INPP4A: variants seen among roughly 807,000 people sequenced by gnomAD.
The protein encoded by INPP4A is inositol polyphosphate-4-phosphatase, type I, 107kD.
A neutral mutation model predicts 119.8 loss-of-function variants in INPP4A; 33 were observed. The observed-to-expected ratio is 0.28, with a 90% CI of 0.21 to 0.37. INPP4A has a LOEUF of 0.37. Among genes scored for constraint, INPP4A ranks in the 10% least tolerant of loss-of-function variants. The probability of loss-of-function intolerance (pLI) is 1.00; values close to 1 mark genes in which losing one functional copy is unlikely to be tolerated. For synonymous variants in INPP4A, 496 were observed against 500.7 expected, an observed-to-expected ratio of 0.99 and a Z score of 0.12; for missense variants, 956 against 1,289.9, an observed-to-expected ratio of 0.74 and a Z score of 3.97.
At chr2:98,502,083 C>G (rs1042397083) in intron 1 of INPP4A, among the ~76,000 whole-genome samples, 8 of 152,236 alleles carry the variant, frequency 5.3e-5, no homozygotes, top group Admixed American at 2.6e-4. Flanking sequence ...GGGTGTGCAT[C>G]TGGCCATCCA....
intron 1 of INPP4A, among the ~76,000 whole-genome samples, chr2:98,502,970 G>T (rs1014034800): frequency 3.9e-5 from 6 of 152,116 alleles, no homozygotes; most frequent in African/African-American, 1.4e-4. Flanking sequence ...GAGTTTGGAC[G>T]GACTAGGTTT....
At chr2:98,572,746 G>A in intron 22 of INPP4A, 69 bp from the exon 23 acceptor site, 1 of 1,076,906 alleles carries the variant, frequency 9.3e-7, no homozygotes, top group Non-Finnish European at 1.3e-6. Flanking sequence ...GCTCACTTGG[G>A]TGGGCTCCCT....
At chr2:98,540,124 G>A (rs930972838) in intron 10 of INPP4A, among the ~76,000 whole-genome samples, 1 of 152,102 alleles carries the variant, frequency 6.6e-6, no homozygotes, top group South Asian at 2.1e-4. Flanking sequence ...TAGATATGGT[G>A]TTTCACCATG....
intron 13 of INPP4A, among the ~76,000 whole-genome samples, chr2:98,547,662 C>A (rs1322541022): frequency 6.6e-6 from 1 of 151,900 alleles, no homozygotes. Flanking sequence ...TGTGTTTGGG[C>A]TGATAGGAAA....
chr2:98,519,972 G>T lies in INPP4A; in HGVS notation c.-77G>T. On this transcript the variant is annotated 5_prime_UTR_variant, in exon 3 of 25. Transcript: ENST00000409851. ...GCTACTGCCACTTTAGTGGACTAGG[G>T]CTCGGTGCCAGCACTTCCCGGGTAA... 1 of 1,187,170 alleles carries T rather than the reference G, an allele frequency of 8.4e-7. No individual in the cohort carries two copies. Among genetic ancestry groups the T allele is most frequent in the South Asian group, 1.3e-5 (1 of 76,342 alleles). 73.5% of individuals were successfully genotyped at this position (1,187,170 alleles called of 1,614,324 possible). A position where few individuals can be genotyped will look rare whatever the true frequency, so the allele number is the denominator to read the frequency against.
At position 98,537,937 on chromosome 2, in the gene INPP4A, C is replaced by G. The variant is rs1690640535; in HGVS notation, c.542C>G (p.Pro181Arg). 1.2e-6 allele frequency: 2 copies of G among 1,612,746 alleles called. No individual in the cohort carries two copies. The highest frequency in any genetic ancestry group is 1.7e-6 in the Non-Finnish European group (2 of 1,179,358). The change falls in exon 8 of 25, where the codon CCC becomes CGC. Residue 181 changes from proline (P) to arginine (R), a missense_variant. Physicochemically the swap from Pro to Arg is moderately radical, Grantham distance 103 (BLOSUM62 -2). Coordinates refer to ENST00000409851, the MANE Select transcript of INPP4A (RefSeq NM_001134225.2). ...WQMEEKSDQR[P>R]PVTRSVDTVN... ...ATGGAGGAGAAGTCAGACCAACGGC[C>G]CCCTGTGACCCGGTCTGTGGACACT...
rs777173666 is a variant in INPP4A, at chr2:98,576,995, C to T, written c.2638C>T (p.Arg880Cys). 4 of 1,611,190 alleles carry T rather than the reference C, an allele frequency of 2.5e-6. No individual in the cohort carries two copies. The highest frequency in any genetic ancestry group is 3.3e-5 in the Admixed American group (2 of 59,884). ...CCCATGTTTCTGTTGGCAGATCTGC[C>T]GCCGCCTTAATGGGGTCCGGTTCAC... is the stretch of plus-strand genomic sequence containing the variant. ...DILWQAAEIC[R>C]RLNGVRFTSC... The change falls in exon 24 of 25, where the codon CGC becomes TGC. Residue 880 changes from arginine (R) to cysteine (C), a missense_variant. By Grantham distance (180) the Arg-to-Cys change is radical. Around this residue, in one of 2 missense-constraint regions of INPP4A, gnomAD observed 304 missense variants for 492.1 expected, o/e 0.62. Transcript: ENST00000409851.
At chr2:98,581,768 A>G (rs1179951511) in intron 24 of INPP4A, 3 of 1,606,194 alleles carry the variant, frequency 1.9e-6, no homozygotes, top group Non-Finnish European at 2.5e-6. Flanking sequence ...TATCATTATG[A>G]AAAATTAATA....
intron 1 of INPP4A, among the ~76,000 whole-genome samples, chr2:98,485,216 A>G (rs1026223114): frequency 3.3e-5 from 5 of 152,240 alleles, no homozygotes; most frequent in Admixed American, 2.0e-4. Flanking sequence ...AGCTGAAGAA[A>G]TGTTACTTCT....
At chr2:98,544,790 G>C (rs1386014305) in intron 11 of INPP4A, among the ~76,000 whole-genome samples, 1 of 152,212 alleles carries the variant, frequency 6.6e-6, no homozygotes, top group Non-Finnish European at 1.5e-5. Flanking sequence ...CAGAACATGT[G>C]AACCCATCCA....
At chr2:98,489,914 C>T (rs1224021932) in intron 1 of INPP4A, among the ~76,000 whole-genome samples, 3 of 132,992 alleles carry the variant, frequency 2.3e-5, no homozygotes, top group African/African-American at 8.5e-5. Context: ...TTTTCTTCTC[C>T]TTCCATATGG....
intron 4 of INPP4A, among the ~76,000 whole-genome samples, chr2:98,526,850 G>C (rs147395995): frequency 6.6e-6 from 1 of 152,190 alleles, no homozygotes; most frequent in Non-Finnish European, 1.5e-5. Flanking sequence ...CATGATGAGA[G>C]AAGGATTAAA....
chr2:98,488,264 C>G (rs1679952180), intron 1 of INPP4A, among the ~76,000 whole-genome samples: 1 of 152,188 alleles, frequency 6.6e-6, no homozygotes, highest in Non-Finnish European at 1.5e-5. Flanking sequence ...GAACCCTCAT[C>G]CCTTTTATTG....
In INPP4A at chr2:98,557,079, A is replaced by T. The variant is rs546224952; in HGVS notation, c.1822+1271A>T. 1.4e-4 allele frequency among the ~76,000 whole-genome samples: 22 copies of T among 152,304 alleles called. 1 individual carries two copies. The East Asian group carries it at 4.2e-3, about 29-fold the overall frequency. ...AAAAGGGTAATTTATTGGCTGTTTT[A>T]AATGTGGGAGCTAGTTTATTTCATC... On this transcript the variant is annotated intron_variant, in intron 16 of 24. Coordinates refer to ENST00000409851, the MANE Select transcript of INPP4A (RefSeq NM_001134225.2).
intron 1 of INPP4A, among the ~76,000 whole-genome samples, chr2:98,452,908 C>T (rs1212356060): frequency 6.6e-6 from 1 of 152,126 alleles, no homozygotes; most frequent in East Asian, 1.9e-4. Context: ...GTAGGGGTTG[C>T]CTACGCTGCT....
intron 1 of INPP4A, among the ~76,000 whole-genome samples, chr2:98,496,942 G>A (rs1041323918): frequency 6.6e-6 from 1 of 152,212 alleles, no homozygotes; most frequent in Non-Finnish European, 1.5e-5. Flanking sequence ...TTCACATGTG[G>A]CTCTGAGCAC....
At chr2:98,520,645 GTT>G in intron 3 of INPP4A, 40 bp from the exon 4 acceptor site, 1 of 1,312,790 alleles carries the variant, frequency 7.6e-7, no homozygotes, top group Non-Finnish European at 1.1e-6. Context: ...ACAGAGAAAA[GTT>G]TATTAAGGAT....
In INPP4A at chr2:98,546,034, C is replaced by G. The variant is rs1304321533; in HGVS notation, c.1015C>G (p.His339Asp). The G allele has an allele frequency of 6.3e-7, 1 of 1,590,628 alleles. No homozygotes were observed. ...KKLEFVPTNL[H>D]IQRMRVQDDG... Reference sequence around the variant, plus strand: ...GTTAGAATTTGTTCCCACAAACTTGCACATACAAAGGATGAGAGTTCAAGA... The same window carrying G: ...GTTAGAATTTGTTCCCACAAACTTGGACATACAAAGGATGAGAGTTCAAGA... Residue 339 changes from histidine to aspartate, a missense_variant, in exon 12 of 25, where the codon CAC becomes GAC. By Grantham distance (81) the His-to-Asp change is moderately conservative. Coordinates refer to ENST00000409851, the MANE Select transcript of INPP4A (RefSeq NM_001134225.2). This position sits in a 1 kb window ranked among gnomAD's most constrained non-coding sequence, Gnocchi z 4.2.
At chr2:98,464,929 G>C (rs924530863) in intron 1 of INPP4A, among the ~76,000 whole-genome samples, 5 of 152,204 alleles carry the variant, frequency 3.3e-5, no homozygotes, top group Non-Finnish European at 2.9e-5. Context: ...TACAGAGCTC[G>C]TTATTGCAGT....
Sources: gnomAD v4.1 joint callset for allele counts (sites outside exome capture counted in the v4.1 genomes callset) on GRCh38, gnomAD v4.1.1 for gene constraint, gnomAD v4.1.1 regional missense constraint, Gnocchi (gnomAD v3.1) non-coding constraint, MANE v1.5 for transcripts, NCBI Gene and HGNC (gene_info 2026-07-23, HGNC 2026-07-21) for gene names.